The following ZBTB16 variants were observed in gnomAD, a reference collection of about 807,000 sequenced individuals.
ZBTB16 encodes zinc finger and BTB domain-containing protein 16.
Under a neutral mutation model 56.8 loss-of-function variants are expected in ZBTB16, and 8 were observed. The ratio of observed to expected loss-of-function variants is 0.14; its 90% CI spans 0.08 to 0.25. The LOEUF (loss-of-function observed/expected upper bound fraction) is 0.25. Among genes scored for constraint, ZBTB16 ranks in the 10% least tolerant of loss-of-function variants. The pLI is 1.00. For synonymous variants in ZBTB16, 363 were observed against 368.5 expected (o/e 0.98, Z 0.17); for missense variants, 625 against 903.0 (o/e 0.69, Z 3.95).
intron 2 of ZBTB16, among the ~76,000 whole-genome samples, chr11:114,138,685 TA>T (rs201765453): frequency 0.09 from 13,706 of 151,488 alleles, 810 homozygotes; most frequent in East Asian, 0.17. Flanking sequence ...AATTTTTTTT[TA>T]AATTATTTTT....
At chr11:114,103,009 C>T (rs1056884804) in intron 2 of ZBTB16, among the ~76,000 whole-genome samples, 1 of 152,170 alleles carries the variant, frequency 6.6e-6, no homozygotes, top group Non-Finnish European at 1.5e-5. Flanking sequence ...CTGCTGGGAA[C>T]ATTAAAAGAA....
At chr11:114,153,638 T>A (rs1278149023) in intron 2 of ZBTB16, among the ~76,000 whole-genome samples, 1 of 152,228 alleles carries the variant, frequency 6.6e-6, no homozygotes, top group African/African-American at 2.4e-5. Flanking sequence ...GGATTGGGTC[T>A]AGAGGTTTGC....
rs188796373 is a variant in ZBTB16, at chr11:114,247,060, G to A, written c.1625-138G>A. 21 of 1,036,292 alleles carry A rather than the reference G, an allele frequency of 2.0e-5. No individual in the cohort carries two copies. The East Asian group carries it at 4.8e-4, about 24-fold the overall frequency. 64.2% of individuals were successfully genotyped at this position (1,036,292 alleles called of 1,614,324 possible). ...TGCTTGTTTATTCAATGGAGGTGTG[G>A]CCGTGGATCCTTAAGTTGTCTTTGG... On this transcript the variant is annotated intron_variant, in intron 5 of 6. Coordinates refer to ENST00000335953, the MANE Select transcript of ZBTB16 (RefSeq NM_006006.6).
intron 2 of ZBTB16, among the ~76,000 whole-genome samples, chr11:114,083,429 G>A (rs1026090989): frequency 6.6e-6 from 1 of 152,166 alleles, no homozygotes; most frequent in Non-Finnish European, 1.5e-5. Flanking sequence ...TTGAAAAGGA[G>A]CCATGCCCAC....
Position 114,129,013 on chromosome 11 carries a change from C to G in ZBTB16, c.1269-27324C>G, listed in dbSNP as rs1941592876. On this transcript the variant is annotated intron_variant, in intron 2 of 6. Coordinates refer to ENST00000335953, the MANE Select transcript of ZBTB16 (RefSeq NM_006006.6). ...TGGGAGGGAGCAGAGCACAGCTCCC[C>G]ATGTGCGTTCAGGTGCCCAGAATCT... Among the ~76,000 whole-genome samples, 4 of 152,274 alleles carry G rather than the reference C, an allele frequency of 2.6e-5. No individual in the cohort carries two copies. The South Asian group carries it at 8.3e-4, about 32-fold the overall frequency.
intron 2 of ZBTB16, among the ~76,000 whole-genome samples, chr11:114,155,384 G>A (rs1452119732): frequency 3.3e-5 from 5 of 152,250 alleles, no homozygotes; most frequent in East Asian, 1.9e-4. Context: ...CCCTGCTAGC[G>A]CACCCGGTTC....
chr11:114,081,792 G>A (rs564775814), intron 2 of ZBTB16, among the ~76,000 whole-genome samples: 96 of 152,304 alleles, frequency 6.3e-4, no homozygotes, highest in African/African-American at 2.3e-3. Context: ...AAAACAAGGA[G>A]TAACTTTCTT....
chr11:114,216,700 C>A (rs1194604812), intron 4 of ZBTB16, among the ~76,000 whole-genome samples: 1 of 152,166 alleles, frequency 6.6e-6, no homozygotes, highest in South Asian at 2.1e-4. Context: ...CCCCTTACCC[C>A]CTATTCTCAC....
chr11:114,136,853 C>G (rs375795486), intron 2 of ZBTB16, among the ~76,000 whole-genome samples: 21 of 152,256 alleles, frequency 1.4e-4, no homozygotes, highest in African/African-American at 5.1e-4. Flanking sequence ...TAGGTCACCT[C>G]GTGCTGTCTC....
intron 3 of ZBTB16, among the ~76,000 whole-genome samples, chr11:114,183,857 C>T (rs1354873972): frequency 3.9e-5 from 6 of 152,184 alleles, no homozygotes; most frequent in Admixed American, 3.9e-4. Context: ...TGGCTGCTAC[C>T]CCTGTGAACA....
In ZBTB16 at chr11:114,103,785, T is replaced by C. The variant is rs1224375877; in HGVS notation, c.1268+39217T>C. On this transcript the variant is annotated intron_variant, in intron 2 of 6. Coordinates refer to ENST00000335953, the MANE Select transcript of ZBTB16 (RefSeq NM_006006.6). ...CTCAGCCACAGAGCAGAGGGAGGCT[T>C]GGCTGGAGCAAACAATGTTGGGCCT... Among the ~76,000 whole-genome samples the C allele has an allele frequency of 2.0e-5, 3 of 152,182 alleles. No individual in the cohort carries two copies. The East Asian group carries it at 5.8e-4, about 29-fold the overall frequency.
rs138256422 is a variant in ZBTB16, at chr11:114,136,818, T to C, written c.1269-19519T>C. 9.8e-5 allele frequency among the ~76,000 whole-genome samples: 15 copies of C among 152,302 alleles called. No homozygotes were observed. The East Asian group carries it at 1.4e-3, about 14-fold the overall frequency. On this transcript the variant is annotated intron_variant, in intron 2 of 6. Coordinates refer to ENST00000335953, the MANE Select transcript of ZBTB16 (RefSeq NM_006006.6). ...TATTTTTAAGATTCAAGTGTAGTTT[T>C]AACTGCAGGGCATTAGCTCCCTTGT...
intron 5 of ZBTB16, among the ~76,000 whole-genome samples, chr11:114,245,316 C>T (rs1944792808): frequency 6.6e-6 from 1 of 152,248 alleles, no homozygotes; most frequent in Non-Finnish European, 1.5e-5. Flanking sequence ...GCCAGTGCAA[C>T]ACCCCATAGA....
intron 2 of ZBTB16, among the ~76,000 whole-genome samples, chr11:114,075,154 C>T (rs1000497531): frequency 1.2e-4 from 18 of 152,180 alleles, no homozygotes; most frequent in South Asian, 4.2e-4. Context: ...AAATTTCCTG[C>T]GATTGTTGGC....
intron 2 of ZBTB16, among the ~76,000 whole-genome samples, chr11:114,096,179 C>T (rs953460114): frequency 3.3e-5 from 5 of 152,170 alleles, no homozygotes; most frequent in African/African-American, 1.2e-4. Context: ...CCCTTGGAGG[C>T]ACCTAAAATT....
chr11:114,250,304 T>G lies in ZBTB16; in HGVS notation c.1793-22T>G. The G allele has an allele frequency of 6.2e-7, 1 of 1,607,224 alleles. No homozygotes were observed. The highest frequency in any genetic ancestry group is 8.5e-7 in the Non-Finnish European group (1 of 1,179,656). On this transcript the variant is annotated intron_variant, in intron 6 of 6. Transcript: ENST00000335953. The surrounding 1 kb of genome is among the most constrained non-coding windows in gnomAD (Gnocchi z 6.0). ...CCTTCTGTCTGTCCTCACTTTCTCC[T>G]GCCCTGTCCCTCCGCCCTCAGGTGA...
rs545454268 is a variant in ZBTB16 at position 114,173,491 on chromosome 11, T to G, written c.1367-13461T>G. ...CACAGTGGAAGCACATCCGTACCCG[T>G]ATATGTGTATTAATGACTTTAAAGG... On this transcript the variant is annotated intron_variant, in intron 3 of 6. Coordinates refer to ENST00000335953, the MANE Select transcript of ZBTB16 (RefSeq NM_006006.6). Among the ~76,000 whole-genome samples, 722 of 152,262 alleles carry G rather than the reference T, an allele frequency of 4.7e-3. 2 individuals are homozygous for G. Among genetic ancestry groups the G allele is most frequent in the African/African-American group, 0.016 (679 of 41,538 alleles).
intron 4 of ZBTB16, among the ~76,000 whole-genome samples, chr11:114,192,860 C>A (rs1943530395): frequency 6.6e-6 from 1 of 152,326 alleles, no homozygotes; most frequent in Non-Finnish European, 1.5e-5. Context: ...CTTTGCCAAG[C>A]AGCTTAATTC....
At chr11:114,153,016 G>A (rs1292243708) in intron 2 of ZBTB16, among the ~76,000 whole-genome samples, 1 of 152,190 alleles carries the variant, frequency 6.6e-6, no homozygotes, top group Admixed American at 6.5e-5. Flanking sequence ...GGAATAGACT[G>A]TGAGTTCACA....
Sources: allele counts gnomAD v4.1 joint callset (sites outside exome capture counted in the v4.1 genomes callset), GRCh38; gene constraint gnomAD v4.1.1; non-coding constraint Gnocchi (gnomAD v3.1); transcripts MANE v1.5; gene names NCBI Gene and HGNC (gene_info 2026-07-23, HGNC 2026-07-21).